HDAC4: variants seen among roughly 807,000 people sequenced by gnomAD.
The protein encoded by HDAC4 is histone deacetylase 4.
Under a neutral mutation model 135.1 loss-of-function variants are expected in HDAC4, and 16 were observed. The ratio of observed to expected loss-of-function variants is 0.12; its 90% CI spans 0.08 to 0.18. The LOEUF is 0.18. HDAC4 is among the 10% of genes least tolerant of loss of function. The probability of loss-of-function intolerance (pLI) is 1.00; values close to 1 mark genes in which losing one functional copy is unlikely to be tolerated. For missense variants in HDAC4, 1,143 were observed against 1,511.8 expected (o/e 0.76, Z 4.05); for synonymous variants, 685 against 653.4 (o/e 1.05, Z -0.74).
At chr2:239,162,023 C>T (rs1335024019) in intron 6 of HDAC4, 1 of 429,644 alleles carries the variant, frequency 2.3e-6, no homozygotes, top group Non-Finnish European at 4.7e-6. Flanking sequence ...CCACTGTCCA[C>T]TGACTCCTGG....
chr2:239,225,926 T>C (rs4456728), intron 3 of HDAC4, among the ~76,000 whole-genome samples: 6 of 152,076 alleles, frequency 3.9e-5, no homozygotes, highest in African/African-American at 1.4e-4. Context: ...ATGGGCAGGT[T>C]CCTCTGGTAG....
At chr2:239,108,975 C>G (rs2038416162) in intron 14 of HDAC4, among the ~76,000 whole-genome samples, 1 of 152,248 alleles carries the variant, frequency 6.6e-6, no homozygotes, top group African/African-American at 2.4e-5. Flanking sequence ...GCCACCCTGT[C>G]TCAGTCAGCA....
chr2:239,194,519 C>T (rs958497094), intron 3 of HDAC4, among the ~76,000 whole-genome samples: 1 of 152,210 alleles, frequency 6.6e-6, no homozygotes, highest in African/African-American at 2.4e-5. Flanking sequence ...ATCACCTGAA[C>T]GGTCACAGCT....
At chr2:239,314,919 G>T (rs2053052535) in intron 2 of HDAC4, among the ~76,000 whole-genome samples, 2 of 152,152 alleles carry the variant, frequency 1.3e-5, no homozygotes, top group Non-Finnish European at 2.9e-5. Context: ...CGGGCATTCA[G>T]ATGTGCCTCA....
chr2:239,133,418 T>C (rs757764529), intron 11 of HDAC4, among the ~76,000 whole-genome samples: 1 of 152,228 alleles, frequency 6.6e-6, no homozygotes, highest in Non-Finnish European at 1.5e-5. Context: ...CACAAAGCTA[T>C]GAAGATGTAC....
chr2:239,082,068 T>G, intron 21 of HDAC4, 34 bp downstream of exon 21: 3 of 1,216,950 alleles, frequency 2.5e-6, no homozygotes, highest in Non-Finnish European at 2.3e-6. Flanking sequence ...GCAGTCCCCC[T>G]TTCCCCCCAG....
intron 2 of HDAC4, among the ~76,000 whole-genome samples, chr2:239,318,448 C>T (rs1021273459): frequency 1.3e-5 from 2 of 152,070 alleles, no homozygotes; most frequent in African/African-American, 4.8e-5. Flanking sequence ...CTGGGGAGGA[C>T]GTGAGAATTG....
At chr2:239,365,275 A>G (rs1207095045) in intron 1 of HDAC4, among the ~76,000 whole-genome samples, 2 of 152,248 alleles carry the variant, frequency 1.3e-5, no homozygotes, top group African/African-American at 4.8e-5. Context: ...TTTTTCCTCC[A>G]TAATTTGTTG....
At chr2:239,165,179 T>C (rs373254623) in intron 5 of HDAC4, among the ~76,000 whole-genome samples, 85 of 152,084 alleles carry the variant, frequency 5.6e-4, no homozygotes, top group African/African-American at 1.4e-3. Flanking sequence ...ACCAAGACTG[T>C]GCCACTGCAC....
At chr2:239,382,134 G>A (rs1224971162) in intron 1 of HDAC4, among the ~76,000 whole-genome samples, 1 of 152,242 alleles carries the variant, frequency 6.6e-6, no homozygotes, top group Admixed American at 6.5e-5. Flanking sequence ...ACCAGCAGGA[G>A]CTGCCTTCCC....
intron 3 of HDAC4, among the ~76,000 whole-genome samples, chr2:239,194,604 C>G (rs1039952146): frequency 6.6e-6 from 1 of 152,242 alleles, no homozygotes; most frequent in African/African-American, 2.4e-5. Flanking sequence ...CTCCCCACTC[C>G]CAAAAGACAG....
intron 3 of HDAC4, among the ~76,000 whole-genome samples, chr2:239,202,675 G>A (rs1040042430): frequency 6.6e-6 from 1 of 152,094 alleles, no homozygotes; most frequent in Non-Finnish European, 1.5e-5. Context: ...GCAGGGCCAT[G>A]CAACATGGAG....
intron 13 of HDAC4, among the ~76,000 whole-genome samples, chr2:239,112,193 C>T (rs753586726): frequency 6.6e-6 from 1 of 152,120 alleles, no homozygotes; most frequent in Non-Finnish European, 1.5e-5. Context: ...GGGGGATATG[C>T]GAAGGCCATG....
chr2:239,348,801 C>T (rs1692905221), intron 2 of HDAC4, among the ~76,000 whole-genome samples: 1 of 152,272 alleles, frequency 6.6e-6, no homozygotes, highest in Non-Finnish European at 1.5e-5. Flanking sequence ...TTCCCTCAGG[C>T]CGCTCACATC....
intron 1 of HDAC4, among the ~76,000 whole-genome samples, chr2:239,383,316 C>A (rs1469385349): frequency 6.6e-6 from 1 of 152,222 alleles, no homozygotes; most frequent in East Asian, 1.9e-4. Flanking sequence ...TGCATAACCA[C>A]TGAGCAGATC....
At chr2:239,066,592 C>G in intron 24 of HDAC4, 130 bp downstream of exon 24, 1 of 1,220,190 alleles carries the variant, frequency 8.2e-7, no homozygotes, top group Non-Finnish European at 1.2e-6. Context: ...AGGTGCAAGG[C>G]GGAGCTGCAA....
At chr2:239,370,028 C>T (rs1027284138) in intron 1 of HDAC4, among the ~76,000 whole-genome samples, 4 of 152,220 alleles carry the variant, frequency 2.6e-5, no homozygotes, top group Non-Finnish European at 5.9e-5. Context: ...TGGCTGGCGA[C>T]ACACTTCATG....
intron 3 of HDAC4, among the ~76,000 whole-genome samples, chr2:239,191,761 C>T (rs532711677): frequency 1.3e-5 from 2 of 152,298 alleles, no homozygotes; most frequent in African/African-American, 4.8e-5. Context: ...ATGCTCCTAA[C>T]CTGGCCCTGC....
At position 239,139,456 on chromosome 2, in the gene HDAC4, G is replaced by A. The variant is rs907831728; in HGVS notation, c.978+228C>T. 2.0e-5 allele frequency among the ~76,000 whole-genome samples: 3 copies of A among 152,172 alleles called. No individual in the cohort carries two copies. The highest frequency in any genetic ancestry group is 1.9e-4 in the East Asian group (1 of 5,174). ...GACCAGGCTCAGGGCTGTCCCCGAC[G>A]TGCCTGGAACTAGCGTGTTCATAAT... On this transcript the variant is annotated intron_variant, in intron 9 of 26. Transcript: ENST00000543185. This position sits in a 1 kb window ranked among gnomAD's most constrained non-coding sequence, Gnocchi z 5.3.
Sources: gnomAD v4.1 joint callset for allele counts (sites outside exome capture counted in the v4.1 genomes callset) on GRCh38, gnomAD v4.1.1 for gene constraint, Gnocchi (gnomAD v3.1) non-coding constraint, MANE v1.5 for transcripts, NCBI Gene and HGNC (gene_info 2026-07-23, HGNC 2026-07-21) for gene names.